Variants in SUMF1 observed in about 807,000 individuals in gnomAD.
The protein encoded by SUMF1 is formylglycine-generating enzyme.
A neutral mutation model predicts 47.6 loss-of-function variants in SUMF1; 48 were observed. The ratio of observed to expected loss-of-function variants is 1.01; its 90% CI spans 0.80 to 1.28. The LOEUF (loss-of-function observed/expected upper bound fraction) is 1.28, where lower values mean the gene tolerates loss of function less well. Ranked by LOEUF, SUMF1 falls within the 50% of genes most tolerant of loss-of-function variation. The pLI is 0.00. For synonymous variants in SUMF1, 230 were observed against 192.1 expected (o/e 1.20, Z -1.63); for missense variants, 571 against 485.4 (o/e 1.18, Z -1.66).
chr3:4,151,167 C>T (rs1042274996), intron 8 of SUMF1, among the ~76,000 whole-genome samples: 1 of 150,934 alleles, frequency 6.6e-6, no homozygotes, highest in Non-Finnish European at 1.5e-5. Flanking sequence ...CATGACTATA[C>T]ACACACACAT....
intron 8 of SUMF1, among the ~76,000 whole-genome samples, chr3:4,238,589 T>A (rs886521423): frequency 2.0e-5 from 3 of 152,236 alleles, no homozygotes; most frequent in Non-Finnish European, 2.9e-5. Context: ...GAAGTGTCTG[T>A]TCATATCCTT....
At chr3:4,300,651 G>T (rs1697944294) in intron 8 of SUMF1, among the ~76,000 whole-genome samples, 1 of 152,214 alleles carries the variant, frequency 6.6e-6, no homozygotes, top group Non-Finnish European at 1.5e-5. Context: ...TAACTAAGTA[G>T]AACATTCTGT....
At chr3:4,392,588 T>G (rs1700902256) in intron 7 of SUMF1, among the ~76,000 whole-genome samples, 5 of 102,920 alleles carry the variant, frequency 4.9e-5, no homozygotes, top group African/African-American at 1.4e-4. Flanking sequence ...TATGTTCAGA[T>G]ATATATGTGT....
intron 8 of SUMF1, among the ~76,000 whole-genome samples, chr3:4,171,435 A>G (rs1449680070): frequency 6.6e-6 from 1 of 152,212 alleles, no homozygotes; most frequent in Non-Finnish European, 1.5e-5. Flanking sequence ...ATGTGTTTAC[A>G]TGGGCCAAAG....
chr3:4,103,175 G>A (rs947943763), intron 8 of SUMF1, among the ~76,000 whole-genome samples: 9 of 151,302 alleles, frequency 5.9e-5, no homozygotes, highest in Non-Finnish European at 1.2e-4. Context: ...CACCTGCCTC[G>A]GCCTCCCAAA....
chr3:4,120,140 C>G (rs1185922821), intron 8 of SUMF1, among the ~76,000 whole-genome samples: 1 of 152,070 alleles, frequency 6.6e-6, no homozygotes, highest in Non-Finnish European at 1.5e-5. Context: ...CTTCCCACAC[C>G]TCTACTATTA....
chr3:4,127,580 A>C (rs1277502419), intron 8 of SUMF1, among the ~76,000 whole-genome samples: 1 of 152,094 alleles, frequency 6.6e-6, no homozygotes, highest in East Asian at 1.9e-4. Context: ...CAAGTTCTTC[A>C]GTTTTGGCGC....
At chr3:4,454,808 G>T (rs1014057066) in intron 1 of SUMF1, among the ~76,000 whole-genome samples, 1 of 152,136 alleles carries the variant, frequency 6.6e-6, no homozygotes, top group Non-Finnish European at 1.5e-5. Context: ...TTAAGTGAAA[G>T]AATCCAATCA....
At chr3:4,249,173 T>C (rs1241586628) in intron 8 of SUMF1, among the ~76,000 whole-genome samples, 1 of 152,212 alleles carries the variant, frequency 6.6e-6, no homozygotes, top group Admixed American at 6.5e-5. Flanking sequence ...AGAGTGGGTA[T>C]AATTTGGCAT....
At chr3:4,336,691 C>G (rs937914) in intron 8 of SUMF1, among the ~76,000 whole-genome samples, 118,160 of 151,738 alleles carry the variant, frequency 0.78, 46,532 homozygotes, top group African/African-American at 0.9. Flanking sequence ...TATTTTATTA[C>G]TCATCCAAAT....
chr3:4,066,252 C>G (rs1426394172), intron 9 of SUMF1, among the ~76,000 whole-genome samples: 1 of 151,830 alleles, frequency 6.6e-6, no homozygotes, highest in Non-Finnish European at 1.5e-5. Flanking sequence ...TCAGTTCAGT[C>G]AACTTCCCAA....
chr3:4,199,642 C>T (rs1023511586), intron 8 of SUMF1, among the ~76,000 whole-genome samples: 3 of 152,082 alleles, frequency 2.0e-5, no homozygotes, highest in Non-Finnish European at 2.9e-5. Flanking sequence ...ACATAGCATT[C>T]TGTCTTTCTT....
chr3:4,100,050 TAATAATATG>T (rs1692997665), intron 8 of SUMF1, among the ~76,000 whole-genome samples: 1 of 151,304 alleles, frequency 6.6e-6, no homozygotes, highest in Admixed American at 6.6e-5. Context: ...CAATTCAATT[TAATAATATG>T]AATTCTTCCA....
At position 4,452,396 on chromosome 3, in the gene SUMF1, G is replaced by A. The variant is rs779234193; in HGVS notation, c.444+480C>T. Among the ~76,000 whole-genome samples the A allele has an allele frequency of 9.2e-5, 14 of 152,236 alleles. No individual in the cohort carries two copies. In the East Asian group the frequency reaches 1.5e-3, roughly 17 times the overall value. ...TGTCAAGGTGTTGGAATAAAGACAC[G>A]AAAATGAAAAGCTGCACTTCTGCAT... On this transcript the variant is annotated intron_variant, in intron 2 of 8. Transcript: ENST00000272902.
intron 6 of SUMF1, 92 bp downstream of exon 6, chr3:4,417,036 G>T: frequency 1.7e-6 from 2 of 1,163,078 alleles, no homozygotes; most frequent in Non-Finnish European, 2.6e-6. Flanking sequence ...CACCGTGTGA[G>T]TCACAAAGTG....
chr3:4,365,261 T>C (rs1575136243), intron 8 of SUMF1, among the ~76,000 whole-genome samples: 2 of 120,116 alleles, frequency 1.7e-5, no homozygotes, highest in African/African-American at 2.9e-5. Flanking sequence ...GTTCAATTCC[T>C]GGATATCCTT....
intron 8 of SUMF1, among the ~76,000 whole-genome samples, chr3:4,375,715 CAAAGAA>C (rs1700305904): frequency 6.6e-6 from 1 of 151,290 alleles, no homozygotes; most frequent in South Asian, 2.1e-4. Context: ...ATATATGACT[CAAAGAA>C]AAAAGGGAAG....
chr3:4,079,356 G>A (rs768646433), intron 8 of SUMF1, among the ~76,000 whole-genome samples: 2 of 151,994 alleles, frequency 1.3e-5, no homozygotes, highest in Admixed American at 6.5e-5. Flanking sequence ...TGATCTGATC[G>A]ATTGGTAGTA....
intron 8 of SUMF1, among the ~76,000 whole-genome samples, chr3:4,149,990 C>T (rs1379684318): frequency 6.6e-6 from 1 of 152,100 alleles, no homozygotes; most frequent in East Asian, 1.9e-4. Flanking sequence ...ATTTGGTTTA[C>T]TGATTTATAG....
Sources: gnomAD v4.1 joint callset for allele counts (sites outside exome capture counted in the v4.1 genomes callset) on GRCh38, gnomAD v4.1.1 for gene constraint, MANE v1.5 for transcripts, NCBI Gene and HGNC (gene_info 2026-07-23, HGNC 2026-07-21) for gene names.